The following SHROOM2 variants were observed in gnomAD, a reference collection of about 807,000 sequenced individuals.
The protein encoded by SHROOM2 is shroom family member 2, also known as protein Shroom2.
In SHROOM2, 33 loss-of-function variants were observed where a neutral mutation model predicts 75.9. That is an observed-to-expected ratio of 0.43 (90% CI 0.33 to 0.58). The LOEUF (loss-of-function observed/expected upper bound fraction) is 0.58. Among genes scored for constraint, SHROOM2 ranks in the 20% least tolerant of loss-of-function variants. SHROOM2 has a pLI of 0.04. For synonymous variants in SHROOM2, 655 were observed against 663.6 expected, an observed-to-expected ratio of 0.99 and a Z score of 0.20; for missense variants, 1,434 against 1,461.2, an observed-to-expected ratio of 0.98 and a Z score of 0.30.
At chrX:9,836,212 C>T (rs933253702) in intron 1 of SHROOM2, among the ~76,000 whole-genome samples, 4 of 112,156 alleles carry the variant, frequency 3.6e-5, no homozygotes, top group African/African-American at 1.3e-4. Context: ...CTCCCAGCTC[C>T]TCTTTTTAGT....
intron 1 of SHROOM2, among the ~76,000 whole-genome samples, chrX:9,845,916 C>G (rs1365614923): frequency 9.6e-6 from 1 of 104,246 alleles, no homozygotes; most frequent in African/African-American, 3.5e-5. Flanking sequence ...CTCCCCAACC[C>G]CCCAAATATA....
chrX:9,818,273 T>C, intron 1 of SHROOM2: 1 of 213,053 alleles, frequency 4.7e-6, no homozygotes, highest in South Asian at 8.9e-5. Context: ...ATCCTTGTTG[T>C]TGGACTTTAC....
intron 1 of SHROOM2, among the ~76,000 whole-genome samples, chrX:9,867,067 G>T (rs1273258056): frequency 1.8e-5 from 2 of 111,040 alleles, no homozygotes; most frequent in Admixed American, 1.9e-4. Flanking sequence ...GGATGCCCTT[G>T]CCCTTATGGG....
intron 1 of SHROOM2, among the ~76,000 whole-genome samples, chrX:9,843,680 C>T (rs1274390423): frequency 2.7e-5 from 3 of 112,603 alleles, no homozygotes; most frequent in Non-Finnish European, 3.8e-5. Context: ...GGATTACAGG[C>T]GTGAGCCACT....
At chrX:9,938,060 C>T (rs891347103) in intron 7 of SHROOM2, among the ~76,000 whole-genome samples, 1 of 111,065 alleles carries the variant, frequency 9.0e-6, no homozygotes, top group African/African-American at 3.3e-5. Flanking sequence ...TTCCAAGCAT[C>T]TGGTGGGTGG....
chrX:9,936,978 A>T lies in SHROOM2; in HGVS notation c.3588-156A>T, dbSNP rs187954530. On this transcript the variant is annotated intron_variant, in intron 6 of 9. Transcript: ENST00000380913. ...GGGAGCTTCTTGAGGCCTCTGCCTC[A>T]TCCAGGATGTGGGATCATGGAGGCT... 2.6e-3 allele frequency among the ~76,000 whole-genome samples: 287 copies of T among 111,368 alleles called. No homozygotes were observed. The highest frequency in any genetic ancestry group is 2.1e-3 in the Non-Finnish European group (109 of 52,972).
intron 6 of SHROOM2, among the ~76,000 whole-genome samples, chrX:9,933,508 C>G (rs1019417167): frequency 1.8e-5 from 2 of 112,022 alleles, no homozygotes; most frequent in African/African-American, 6.5e-5. Flanking sequence ...TGGTGGCTCA[C>G]GCCTGTAATC....
intron 1 of SHROOM2, among the ~76,000 whole-genome samples, chrX:9,815,480 G>GTGTGTA (rs542594786): frequency 4.0e-4 from 35 of 87,773 alleles, no homozygotes; most frequent in Non-Finnish European, 5.4e-4. Flanking sequence ...GTGTGTGTGT[G>GTGTGTA]TATATAATAT....
chrX:9,881,340 T>C (rs759248663), intron 2 of SHROOM2, among the ~76,000 whole-genome samples: 1 of 111,682 alleles, frequency 9.0e-6, no homozygotes, highest in Non-Finnish European at 1.9e-5. Context: ...TACTTTGATT[T>C]GCCAACTATG....
intron 1 of SHROOM2, among the ~76,000 whole-genome samples, chrX:9,848,129 T>C (rs946614190): frequency 8.9e-6 from 1 of 112,323 alleles, no homozygotes; most frequent in Non-Finnish European, 1.9e-5. Flanking sequence ...GATTCCCCAC[T>C]GTATACTGAG....
At chrX:9,903,782 C>T (rs1293938718) in intron 5 of SHROOM2, among the ~76,000 whole-genome samples, 2 of 110,576 alleles carry the variant, frequency 1.8e-5, no homozygotes, top group Admixed American at 9.6e-5. Flanking sequence ...TGGGCTCAAG[C>T]GATCCACCCA....
At chrX:9,938,886 G>T (rs1181865700) in intron 7 of SHROOM2, among the ~76,000 whole-genome samples, 1 of 112,258 alleles carries the variant, frequency 8.9e-6, no homozygotes, top group Admixed American at 9.4e-5. Context: ...CATCAACCCA[G>T]GCTCCTGGTA....
intron 7 of SHROOM2, among the ~76,000 whole-genome samples, chrX:9,938,656 C>T (rs1002734956): frequency 3.6e-5 from 4 of 112,617 alleles, no homozygotes; most frequent in Non-Finnish European, 7.5e-5. Context: ...CCTTCAGCCA[C>T]TTGACCACAA....
At chrX:9,897,775 C>T (rs899194671) in intron 4 of SHROOM2, among the ~76,000 whole-genome samples, 1 of 110,362 alleles carries the variant, frequency 9.1e-6, no homozygotes, top group African/African-American at 3.3e-5. Flanking sequence ...CTGTGGCGTC[C>T]CAGCCCTGAA....
At position 9,895,593 on chromosome X, in the gene SHROOM2, G is replaced by T. The variant is rs760061083; in HGVS notation, c.1685G>T (p.Ser562Ile). 1.5e-5 allele frequency: 18 copies of T among 1,164,621 alleles called. No individual in the cohort carries two copies. The African/African-American group carries it at 2.8e-4, about 18-fold the overall frequency. The change falls in exon 4 of 10, where the codon AGC becomes ATC. Residue 562 changes from serine (S) to isoleucine (I), a missense_variant. By Grantham distance (142) the Ser-to-Ile change is moderately radical. Coordinates refer to ENST00000380913, the MANE Select transcript of SHROOM2 (RefSeq NM_001649.4). ...AGGGCCAGCCGTGCAGAAAAAGCCAGCCAGAGGCTGGCAGCCAGCATCACG... is the reference window on the plus strand; with the variant it reads ...AGGGCCAGCCGTGCAGAAAAAGCCATCCAGAGGCTGGCAGCCAGCATCACG... ...PPRASRAEKA[S>I]QRLAASITWA... is the part of the protein sequence containing the mutation.
chrX:9,869,729 A>G (rs149329345), intron 1 of SHROOM2, among the ~76,000 whole-genome samples: 23 of 112,389 alleles, frequency 2.0e-4, no homozygotes, highest in Non-Finnish European at 4.1e-4. Flanking sequence ...GTTGATTGAC[A>G]TTTGGGTTGT....
At chrX:9,878,584 C>T (rs755514957) in intron 2 of SHROOM2, among the ~76,000 whole-genome samples, 2 of 112,319 alleles carry the variant, frequency 1.8e-5, no homozygotes, top group Non-Finnish European at 3.8e-5. Flanking sequence ...GCTGTGCCCC[C>T]CTCTGCTGCT....
In SHROOM2 at chrX:9,843,083, G is replaced by A. The variant is rs187458890; in HGVS notation, c.166-30569G>A. Among the ~76,000 whole-genome samples the A allele has an allele frequency of 4.5e-4, 50 of 111,984 alleles. No homozygotes were observed. The East Asian group carries it at 0.013, about 30-fold the overall frequency. On this transcript the variant is annotated intron_variant, in intron 1 of 9. Coordinates refer to ENST00000380913, the MANE Select transcript of SHROOM2 (RefSeq NM_001649.4). ...TGTTTGCATTTGTCCTATGCACACA[G>A]TACAAAGTTGTTGTTTTTTAAATAC...
chrX:9,910,234 G>T (rs1187223625), intron 5 of SHROOM2, among the ~76,000 whole-genome samples: 1 of 110,232 alleles, frequency 9.1e-6, no homozygotes, highest in Non-Finnish European at 1.9e-5. Context: ...TGATTAAACA[G>T]AAAATTTGAA....
Sources: gnomAD v4.1 joint callset for allele counts (sites outside exome capture counted in the v4.1 genomes callset) on GRCh38, gnomAD v4.1.1 for gene constraint, MANE v1.5 for transcripts, NCBI Gene and HGNC (gene_info 2026-07-23, HGNC 2026-07-21) for gene names.